The following LNX2 variants were observed in gnomAD, a reference collection of about 807,000 sequenced individuals.
LNX2 encodes ligand of Numb protein X 2.
LNX2 carries 35 observed loss-of-function variants against 66.2 expected under a neutral mutation model. The ratio of observed to expected loss-of-function variants is 0.53; its 90% CI spans 0.40 to 0.70. The LOEUF is 0.70. LNX2 is among the 30% of genes least tolerant of loss of function. LNX2 has a pLI of 0.00. For missense variants in LNX2, 791 were observed against 850.8 expected, an observed-to-expected ratio of 0.93 and a Z score of 0.87; for synonymous variants, 337 against 315.6, an observed-to-expected ratio of 1.07 and a Z score of -0.72.
At chr13:27,620,152 T>C (rs1593271683) in intron 1 of LNX2, among the ~76,000 whole-genome samples, 1 of 135,342 alleles carries the variant, frequency 7.4e-6, no homozygotes, top group African/African-American at 2.5e-5. Context: ...GCGCCGACTC[T>C]CCCTCCTGGA....
At chr13:27,612,240 A>G (rs1195125168) in intron 1 of LNX2, among the ~76,000 whole-genome samples, 2 of 152,222 alleles carry the variant, frequency 1.3e-5, no homozygotes, top group Non-Finnish European at 2.9e-5. Flanking sequence ...CAAAACCCTC[A>G]TTGGGGCTAA....
chr13:27,551,914 C>G (rs575174317), intron 8 of LNX2, among the ~76,000 whole-genome samples: 1 of 152,300 alleles, frequency 6.6e-6, no homozygotes, highest in South Asian at 2.1e-4. Flanking sequence ...AGCTGCTACA[C>G]TATGCCGTGT....
intron 4 of LNX2, among the ~76,000 whole-genome samples, chr13:27,567,019 T>TC (rs2138354494): frequency 6.6e-6 from 1 of 152,244 alleles, no homozygotes; most frequent in South Asian, 2.1e-4. Context: ...AATACCTGTT[T>TC]CTTCTTAAAG....
chr13:27,560,119 C>A, intron 5 of LNX2, 134 bp from the exon 6 acceptor site: 1 of 623,416 alleles, frequency 1.6e-6, no homozygotes, highest in Non-Finnish European at 2.5e-6. Context: ...CTGCAAGCAC[C>A]TGGTGGCAAG....
intron 1 of LNX2, 51 bp downstream of exon 1, chr13:27,620,324 C>G (rs1955884431): frequency 6.6e-6 from 1 of 152,102 alleles, no homozygotes; most frequent in Non-Finnish European, 1.5e-5. Context: ...GGCGGCTGCC[C>G]GCAGCCAGCG....
At chr13:27,575,230 C>A (rs575544373) in intron 2 of LNX2, among the ~76,000 whole-genome samples, 181 of 152,230 alleles carry the variant, frequency 1.2e-3, no homozygotes, top group African/African-American at 4.1e-3. Flanking sequence ...TTGATGGGCA[C>A]ATAATGTGTG....
chr13:27,600,447 C>T (rs1389474734), intron 1 of LNX2, among the ~76,000 whole-genome samples: 3 of 152,012 alleles, frequency 2.0e-5, no homozygotes, highest in African/African-American at 4.8e-5. Flanking sequence ...GTAGATTAGC[C>T]ACTATACATG....
chr13:27,553,305 C>A lies in LNX2; in HGVS notation c.1681G>T (p.Ala561Ser), dbSNP rs1303440614. Residue 561 changes from alanine (A) to serine (S), a missense_variant, in exon 8 of 10, where the codon GCG becomes TCG. Transcript: ENST00000316334. ...KALEVQIVEE[A>S]TQNAEEQPST... ...GGCTGCTCCTCCGCGTTCTGAGTCG[C>A]CTCCTCAACAATCTGGACCTCAAGT... 6.2e-6 allele frequency: 10 copies of A among 1,614,034 alleles called. No individual in the cohort carries two copies. The highest frequency in any genetic ancestry group is 8.5e-6 in the Non-Finnish European group (10 of 1,180,034).
At chr13:27,563,650 C>A (rs755952417) in intron 4 of LNX2, among the ~76,000 whole-genome samples, 1 of 152,130 alleles carries the variant, frequency 6.6e-6, no homozygotes, top group African/African-American at 2.4e-5. Context: ...CTGAATCGGT[C>A]TGAGATGAAA....
intron 1 of LNX2, among the ~76,000 whole-genome samples, chr13:27,586,116 C>T (rs978119151): frequency 6.1e-5 from 9 of 148,602 alleles, no homozygotes; most frequent in African/African-American, 1.7e-4. Flanking sequence ...GATATATATA[C>T]GTATATATAT....
At chr13:27,550,246 G>T (rs1954989728) in intron 9 of LNX2, 87 bp downstream of exon 9, 1 of 1,165,228 alleles carries the variant, frequency 8.6e-7, no homozygotes, top group Non-Finnish European at 1.2e-6. Context: ...ATAATGGGCT[G>T]GATTTAGTGC....
At chr13:27,581,084 C>G (rs1460877562) in intron 2 of LNX2, among the ~76,000 whole-genome samples, 1 of 152,184 alleles carries the variant, frequency 6.6e-6, no homozygotes, top group Non-Finnish European at 1.5e-5. Context: ...AGGTATAAAA[C>G]AGTACTTCCT....
chr13:27,590,977 CATAT>C (rs67408539), intron 1 of LNX2, among the ~76,000 whole-genome samples: 8 of 151,912 alleles, frequency 5.3e-5, no homozygotes, highest in African/African-American at 9.7e-5. Flanking sequence ...TGTATATATA[CATAT>C]ATATGTGTGT....
rs1237295413 is a variant in LNX2, at chr13:27,553,376, G to C, written c.1610C>G (p.Ala537Gly). 4 of 1,614,018 alleles carry C rather than the reference G, an allele frequency of 2.5e-6. No individual in the cohort carries two copies. Among genetic ancestry groups the C allele is most frequent in the African/African-American group, 1.3e-5 (1 of 74,890 alleles). ...GGACGCGGCACTGGCTTTCAGCATT[G>C]CAACTGCCTCACTGTGACTTAAATT... Reference protein sequence around the residue: ...LTNLSHSEAVAMLKASAASPA... With the variant: ...LTNLSHSEAVGMLKASAASPA... Residue 537 changes from alanine (A) to glycine (G), a missense_variant, in exon 8 of 10, where the codon GCA becomes GGA. Ala to Gly is a moderately conservative substitution (Grantham distance 60, BLOSUM62 0). Transcript: ENST00000316334.
At chr13:27,563,012 CACGGGCTTTAATG>C (rs113470253) in intron 4 of LNX2, among the ~76,000 whole-genome samples, 333 of 152,240 alleles carry the variant, frequency 2.2e-3, no homozygotes, top group African/African-American at 7.6e-3. Context: ...TAGCTAGGAT[CACGGGCTTTAATG>C]ACGGTCTTGA....
intron 4 of LNX2, among the ~76,000 whole-genome samples, chr13:27,564,996 G>A (rs1955187507): frequency 6.6e-6 from 1 of 152,140 alleles, no homozygotes; most frequent in Non-Finnish European, 1.5e-5. Context: ...TCATTAATCA[G>A]ATTATGTGCT....
chr13:27,585,575 T>C (rs1015228583), intron 1 of LNX2, among the ~76,000 whole-genome samples: 16 of 152,326 alleles, frequency 1.1e-4, no homozygotes, highest in African/African-American at 3.8e-4. Context: ...TTGAGCATCG[T>C]AACTTTTAAC....
chr13:27,567,464 C>A (rs1055989584), intron 4 of LNX2, among the ~76,000 whole-genome samples, 176 bp downstream of exon 4: 2 of 152,106 alleles, frequency 1.3e-5, no homozygotes, highest in African/African-American at 4.8e-5. Flanking sequence ...AGAAAAAATA[C>A]TCTGTGTATA....
At chr13:27,588,872 G>A (rs1486021695) in intron 1 of LNX2, among the ~76,000 whole-genome samples, 1 of 151,910 alleles carries the variant, frequency 6.6e-6, no homozygotes, top group East Asian at 1.9e-4. Context: ...AAAAAACATA[G>A]AAGAAATATA....
Sources: gnomAD v4.1 joint callset for allele counts (sites outside exome capture counted in the v4.1 genomes callset) on GRCh38, gnomAD v4.1.1 for gene constraint, MANE v1.5 for transcripts, NCBI Gene and HGNC (gene_info 2026-07-23, HGNC 2026-07-21) for gene names.